The following BIRC6 variants were observed in gnomAD, a reference collection of about 807,000 sequenced individuals.
The protein encoded by BIRC6 is baculoviral IAP repeat containing 6, also known as dual E2 ubiquitin-conjugating enzyme/E3 ubiquitin-protein ligase BIRC6.
In BIRC6, 98 loss-of-function variants were observed where a neutral mutation model predicts 503.3. The ratio of observed to expected loss-of-function variants is 0.19; its 90% confidence interval spans 0.17 to 0.23. The LOEUF is 0.23. BIRC6 is among the 10% of genes least tolerant of loss of function. The pLI is 1.00. For synonymous variants in BIRC6, 2,240 were observed against 2,078.7 expected, an observed-to-expected ratio of 1.08 and a Z score of -2.11; for missense variants, 5,360 against 5,806.0, an observed-to-expected ratio of 0.92 and a Z score of 2.50.
chr2:32,535,040 T>C (rs1394508627), intron 61 of BIRC6, among the ~76,000 whole-genome samples: 2 of 149,868 alleles, frequency 1.3e-5, no homozygotes, highest in Non-Finnish European at 3.0e-5. Context: ...GCCACTGCAG[T>C]GCATCTCTGA....
At chr2:32,437,356 A>C (rs765252097) in intron 15 of BIRC6, among the ~76,000 whole-genome samples, 3 of 152,208 alleles carry the variant, frequency 2.0e-5, no homozygotes, top group African/African-American at 4.8e-5. Context: ...CTGGGGGTAA[A>C]TAAAAAAAAC....
At chr2:32,384,842 A>G (rs1056243247) in intron 3 of BIRC6, among the ~76,000 whole-genome samples, 2 of 152,232 alleles carry the variant, frequency 1.3e-5, no homozygotes, top group African/African-American at 2.4e-5. Flanking sequence ...TATAATGTGT[A>G]TAACTTCTCC....
At position 32,579,020 on chromosome 2, in the gene BIRC6, A is replaced by G. The variant is rs1229303531; in HGVS notation, c.13355+3654A>G. Among the ~76,000 whole-genome samples the G allele has an allele frequency of 4.6e-3, 629 of 136,872 alleles. 27 individuals carry two copies. The highest frequency in any genetic ancestry group is 0.017 in the African/African-American group (604 of 35,760). The allele number at this position is 136,872 out of a possible 152,430, so 89.8% of individuals were successfully genotyped here. A position where few individuals can be genotyped will look rare whatever the true frequency, so the allele number is the denominator to read the frequency against. ...TAATATATATATATACCTAATATATATATACCTAATATATATATGTATACC... is the reference window on the plus strand; with the variant it reads ...TAATATATATATATACCTAATATATGTATACCTAATATATATATGTATACC... On this transcript the variant is annotated intron_variant, in intron 66 of 73. Transcript: ENST00000421745.
rs1184446582 is a variant in BIRC6 at position 32,443,602 on chromosome 2, A to G, written c.4336+14A>G. Reference sequence around the variant, plus strand: ...CAACAACTGGTGGTATGTAAAATTAATTTAATCACAAATAGTTATAGTCAT... The same window carrying G: ...CAACAACTGGTGGTATGTAAAATTAGTTTAATCACAAATAGTTATAGTCAT... On this transcript the variant is annotated intron_variant, in intron 20 of 73. Transcript: ENST00000421745. The G allele has an allele frequency of 6.5e-7, 1 of 1,542,278 alleles. No homozygotes were observed. Among genetic ancestry groups the G allele is most frequent in the Admixed American group, 1.8e-5 (1 of 54,856 alleles).
In BIRC6 at chr2:32,401,390, G is replaced by A. The variant is rs2040579551; in HGVS notation, c.1257+5G>A. The A allele has an allele frequency of 6.2e-7, 1 of 1,613,456 alleles. No individual in the cohort carries two copies. Among genetic ancestry groups the A allele is most frequent in the Admixed American group, 1.7e-5 (1 of 59,964 alleles). On this transcript the variant is annotated splice_donor_5th_base_variant and intron_variant, in intron 7 of 73. Transcript: ENST00000421745. ...GATGTTTCCAAACTTATGAAGGTAT[G>A]TTTGAATTTTGAAGTAACAAATTAG...
rs766026268 is a variant in BIRC6, at chr2:32,617,726, G to A, written c.14396G>A (p.Arg4799His). Residue 4799 changes from arginine to histidine, a missense_variant and splice_region_variant, in exon 74 of 74, where the codon CGT (arginine) becomes CAT (histidine). By Grantham distance (29) the Arg-to-His change is conservative. Around this residue, in one of 16 missense-constraint regions of BIRC6, gnomAD observed 140 missense variants for 130.2 expected, o/e 1.07. Coordinates refer to ENST00000421745, the MANE Select transcript of BIRC6 (RefSeq NM_016252.4). ...TMSHHAAALK[R>H]HTAQLREELL... ...CATTAGTCCTTTTCTCCTGCATAGC[G>A]TCACACTGCTCAGCTCCGCGAAGAG... is the stretch of plus-strand genomic sequence containing the variant. The A allele has an allele frequency of 1.9e-5, 30 of 1,613,310 alleles. No homozygotes were observed. The highest frequency in any genetic ancestry group is 2.4e-5 in the Non-Finnish European group (28 of 1,179,678).
intron 45 of BIRC6, among the ~76,000 whole-genome samples, chr2:32,496,102 A>T (rs180937354): frequency 6.6e-6 from 1 of 152,258 alleles, no homozygotes; most frequent in East Asian, 1.9e-4. Context: ...AAGTGCTGGG[A>T]TTACAGGCAT....
intron 65 of BIRC6, among the ~76,000 whole-genome samples, chr2:32,560,221 GAT>G (rs1257710711): frequency 2.0e-5 from 3 of 152,124 alleles, no homozygotes; most frequent in Admixed American, 6.5e-5. Flanking sequence ...GATATCTTGA[GAT>G]ATTTTTTAAA....
chr2:32,465,246 T>G, intron 26 of BIRC6, 82 bp downstream of exon 26: 1 of 547,458 alleles, frequency 1.8e-6, no homozygotes, highest in Non-Finnish European at 2.9e-6. Flanking sequence ...ATTCTTCAGT[T>G]CGATTTTTTT....
chr2:32,557,365 T>G (rs2058854522), intron 65 of BIRC6: 1 of 152,232 alleles, frequency 6.6e-6, no homozygotes, highest in Non-Finnish European at 1.5e-5. Flanking sequence ...AATGTGTATT[T>G]TATATGTACT....
intron 30 of BIRC6, 110 bp downstream of exon 30, chr2:32,469,724 G>A: frequency 1.0e-6 from 1 of 986,116 alleles, no homozygotes; most frequent in Non-Finnish European, 1.5e-6. Flanking sequence ...TGAATATGAA[G>A]CAGATCTCAG....
chr2:32,466,113 T>C, intron 26 of BIRC6, among the ~76,000 whole-genome samples: 1 of 152,190 alleles, frequency 6.6e-6, no homozygotes, highest in East Asian at 1.9e-4. Flanking sequence ...TTTTTCTTGT[T>C]AGGGAAGTAT....
intron 49 of BIRC6, among the ~76,000 whole-genome samples, 187 bp from the exon 50 acceptor site, chr2:32,504,818 T>C (rs1041484670): frequency 5.3e-5 from 8 of 152,344 alleles, no homozygotes; most frequent in Admixed American, 5.2e-4. Context: ...ACCTTGCCAG[T>C]TGACAGGATT....
chr2:32,396,460 T>C (rs558762424), intron 6 of BIRC6, among the ~76,000 whole-genome samples: 1 of 152,308 alleles, frequency 6.6e-6, no homozygotes, highest in East Asian at 1.9e-4. Context: ...TGCTAAAACG[T>C]ATTGCAGTGT....
chr2:32,474,119 G>C (rs2049440765), intron 33 of BIRC6, among the ~76,000 whole-genome samples: 1 of 151,958 alleles, frequency 6.6e-6, no homozygotes, highest in Non-Finnish European at 1.5e-5. Flanking sequence ...CTTAGCTCTG[G>C]CATGTTGTGA....
chr2:32,500,606 GTT>G (rs758919928), intron 46 of BIRC6, among the ~76,000 whole-genome samples: 19 of 118,276 alleles, frequency 1.6e-4, no homozygotes, highest in Admixed American at 2.8e-4. Context: ...TTTTGTTTTT[GTT>G]TTTTTTTTTT....
intron 53 of BIRC6, among the ~76,000 whole-genome samples, chr2:32,512,173 GT>G (rs954628947): frequency 1.3e-5 from 2 of 152,156 alleles, no homozygotes; most frequent in African/African-American, 4.8e-5. Context: ...TCCCCATCAT[GT>G]GAAATTGAAA....
At chr2:32,541,541 A>G (rs183741418) in intron 61 of BIRC6, among the ~76,000 whole-genome samples, 109 of 152,208 alleles carry the variant, frequency 7.2e-4, no homozygotes, top group African/African-American at 2.6e-3. Flanking sequence ...AGAGTTACCT[A>G]TCAGTCTACT....
At chr2:32,531,314 C>T in intron 60 of BIRC6, 41 bp from the exon 61 acceptor site, 1 of 1,469,612 alleles carries the variant, frequency 6.8e-7, no homozygotes, top group African/African-American at 1.4e-5. Flanking sequence ...TAAAAATATA[C>T]CCTTTCTTAC....
Sources: gnomAD v4.1 joint callset for allele counts (sites outside exome capture counted in the v4.1 genomes callset) on GRCh38, gnomAD v4.1.1 for gene constraint, gnomAD v4.1.1 regional missense constraint, MANE v1.5 for transcripts, NCBI Gene and HGNC (gene_info 2026-07-23, HGNC 2026-07-21) for gene names.